Variants in LDAH observed in about 807,000 individuals in gnomAD.
LDAH encodes the protein lipid droplet associated hydrolase.
LDAH carries 26 observed loss-of-function variants against 29.6 expected under a neutral mutation model. The observed-to-expected ratio is 0.88, with a 90% CI of 0.64 to 1.22. LDAH has a LOEUF of 1.22. Ranked by LOEUF, LDAH falls within the 50% of genes most tolerant of loss-of-function variation. The pLI, the probability that LDAH is intolerant of heterozygous loss-of-function variation, is 0.00. For missense variants in LDAH, 344 were observed against 387.3 expected, an observed-to-expected ratio of 0.89 and a Z score of 0.94; for synonymous variants, 117 against 133.0, an observed-to-expected ratio of 0.88 and a Z score of 0.83.
chr2:20,794,381 A>T (rs111347712), intron 2 of LDAH, among the ~76,000 whole-genome samples: 1 of 152,094 alleles, frequency 6.6e-6, no homozygotes, highest in South Asian at 2.1e-4. Flanking sequence ...ATATATTCTA[A>T]CTCATTCTAT....
chr2:20,728,731 T>C (rs1032949641), intron 5 of LDAH, among the ~76,000 whole-genome samples: 6 of 151,732 alleles, frequency 4.0e-5, no homozygotes, highest in African/African-American at 4.8e-5. Flanking sequence ...AATGAACCAA[T>C]AACCCAAAGA....
At chr2:20,767,633 C>T (rs1327047417) in intron 4 of LDAH, among the ~76,000 whole-genome samples, 1 of 152,164 alleles carries the variant, frequency 6.6e-6, no homozygotes, top group Non-Finnish European at 1.5e-5. Flanking sequence ...GGGAGGATCT[C>T]CGGTGAGGCC....
rs568916780 is a variant in LDAH, at chr2:20,778,755, C to T, written c.299-3776G>A. 6.6e-5 allele frequency among the ~76,000 whole-genome samples: 10 copies of T among 152,144 alleles called. No individual in the cohort carries two copies. The East Asian group carries it at 9.6e-4, about 15-fold the overall frequency. On this transcript the variant is annotated intron_variant, in intron 3 of 6. Coordinates refer to ENST00000237822, the MANE Select transcript of LDAH (RefSeq NM_021925.4). ...TTATTGGATCACAATAGAAGGGTAA[C>T]GGCCCTTTGATTCATAAAAAGTACT...
chr2:20,809,735 A>T (rs372572382), intron 1 of LDAH, among the ~76,000 whole-genome samples: 1 of 152,244 alleles, frequency 6.6e-6, no homozygotes, highest in Admixed American at 6.5e-5. Context: ...GCGAATAAAC[A>T]TAAGGGCTTT....
At position 20,711,957 on chromosome 2, in the gene LDAH, G is replaced by T. The variant is rs375401197; in HGVS notation, c.704-10305C>A. ...TATAGACTCCACCTCTGAGGGCAGGGCATAGCTGAACAAAAGGCAGCAGAA... is the reference window on the plus strand; with the variant it reads ...TATAGACTCCACCTCTGAGGGCAGGTCATAGCTGAACAAAAGGCAGCAGAA... On this transcript the variant is annotated intron_variant, in intron 5 of 6. Coordinates refer to ENST00000237822, the MANE Select transcript of LDAH (RefSeq NM_021925.4). Among the ~76,000 whole-genome samples the T allele has an allele frequency of 9.8e-5, 15 of 152,368 alleles. 1 individual carries two copies. The East Asian group carries it at 1.9e-3, about 20-fold the overall frequency.
At chr2:20,801,950 G>C (rs1031591087) in intron 1 of LDAH, among the ~76,000 whole-genome samples, 1 of 148,318 alleles carries the variant, frequency 6.7e-6, no homozygotes, top group Non-Finnish European at 1.5e-5. Flanking sequence ...GTGTGTGTGT[G>C]TGTGTGTATG....
At chr2:20,804,723 G>T (rs1374819487) in intron 1 of LDAH, among the ~76,000 whole-genome samples, 1 of 151,996 alleles carries the variant, frequency 6.6e-6, no homozygotes, top group African/African-American at 2.4e-5. Context: ...AATTTAGGAA[G>T]AAATAAACAT....
rs540185258 is a variant in LDAH at position 20,818,328 on chromosome 2, G to T, written c.-3+4709C>A. On this transcript the variant is annotated intron_variant, in intron 1 of 6. Transcript: ENST00000237822. Reference sequence around the variant, plus strand: ...TTATATATGTATTTAATTGCAACTGGTATAATAAGTGGTATGAAAGGGGAA... The same window carrying T: ...TTATATATGTATTTAATTGCAACTGTTATAATAAGTGGTATGAAAGGGGAA... Among the ~76,000 whole-genome samples the T allele has an allele frequency of 4.8e-3, 723 of 152,180 alleles. 3 individuals are homozygous for T. The highest frequency in any genetic ancestry group is 7.7e-3 in the Non-Finnish European group (525 of 67,968).
rs57270583 is a variant in LDAH at position 20,803,930 on chromosome 2, T to C, written c.-2-2465A>G. ...TGTCTTCTGATTTGATCCAGACTGA[T>C]ATATCTCTCATGTGTCTGTGCAAAT... On this transcript the variant is annotated intron_variant, in intron 1 of 6. Coordinates refer to ENST00000237822, the MANE Select transcript of LDAH (RefSeq NM_021925.4). Among the ~76,000 whole-genome samples, 1,150 of 152,304 alleles carry C rather than the reference T, an allele frequency of 7.6e-3. 18 individuals carry two copies. Among genetic ancestry groups the C allele is most frequent in the African/African-American group, 0.026 (1,085 of 41,558 alleles).
intron 4 of LDAH, among the ~76,000 whole-genome samples, chr2:20,769,076 G>C (rs144566757): frequency 2.0e-5 from 3 of 152,086 alleles, no homozygotes; most frequent in Non-Finnish European, 4.4e-5. Context: ...ACACTCTGCC[G>C]CAACCCAGTC....
At position 20,761,687 on chromosome 2, in the gene LDAH, C is replaced by T. The variant is rs577659085; in HGVS notation, c.468+13123G>A. Among the ~76,000 whole-genome samples, 18 of 152,182 alleles carry T rather than the reference C, an allele frequency of 1.2e-4. No individual in the cohort carries two copies. The South Asian group carries it at 3.3e-3, about 28-fold the overall frequency. ...AAACATAATTTATACCTACTGGGTACAATGTTCACTATTTGGGTAACTGGT... is the reference window on the plus strand; with the variant it reads ...AAACATAATTTATACCTACTGGGTATAATGTTCACTATTTGGGTAACTGGT... On this transcript the variant is annotated intron_variant, in intron 4 of 6. Transcript: ENST00000237822.
intron 6 of LDAH, among the ~76,000 whole-genome samples, chr2:20,688,378 G>A (rs1227291698): frequency 6.6e-6 from 1 of 152,144 alleles, no homozygotes; most frequent in Non-Finnish European, 1.5e-5. Flanking sequence ...GACTGGAGAG[G>A]CAGAGAGGGA....
chr2:20,819,777 C>G (rs927618424), intron 1 of LDAH, among the ~76,000 whole-genome samples: 1 of 151,980 alleles, frequency 6.6e-6, no homozygotes, highest in Non-Finnish European at 1.5e-5. Flanking sequence ...AATTAGGCAG[C>G]AGAAAGAAAT....
At chr2:20,683,098 T>C (rs543448148), downstream of LDAH, among the ~76,000 whole-genome samples, 7 of 152,308 alleles carry the variant, frequency 4.6e-5, no homozygotes, top group South Asian at 1.5e-3. Flanking sequence ...AGAGCTTTCT[T>C]TGACCCTCGT....
At chr2:20,695,536 T>A (rs1396770557) in intron 6 of LDAH, among the ~76,000 whole-genome samples, 1 of 149,090 alleles carries the variant, frequency 6.7e-6, no homozygotes, top group Non-Finnish European at 1.5e-5. Flanking sequence ...CACTGCAACC[T>A]CCCCCTCCTG....
Position 20,774,968 on chromosome 2 carries a change from G to A in LDAH, c.310C>T (p.Gln104Ter). The A allele has an allele frequency of 6.3e-7, 1 of 1,590,092 alleles. No homozygotes were observed. The highest frequency in any genetic ancestry group is 8.6e-7 in the Non-Finnish European group (1 of 1,163,448). The change falls in exon 4 of 7, where the codon CAA (glutamine) becomes TAA (stop). Residue 104 changes from glutamine to a stop codon, truncating the protein, a stop_gained. Coordinates refer to ENST00000237822, the MANE Select transcript of LDAH (RefSeq NM_021925.4). LOFTEE classifies it high-confidence loss of function. Reference sequence around the variant, plus strand: ...AGTCCATAAATGTCCTTAATTTCTTGAGCGTTTGAATCTAAAAGCAAAAAT... The same window carrying A: ...AGTCCATAAATGTCCTTAATTTCTTAAGCGTTTGAATCTAAAAGCAAAAAT... ...ILTTSEDSNAQEIKDIYGLNG... is the reference protein window; with the variant it reads ...ILTTSEDSNA
intron 3 of LDAH, among the ~76,000 whole-genome samples, chr2:20,785,213 T>C (rs947347955): frequency 7.2e-5 from 11 of 152,228 alleles, no homozygotes; most frequent in African/African-American, 2.4e-4. Flanking sequence ...AGAACTTCTT[T>C]TAATATTTCT....
At chr2:20,811,006 G>C (rs1342940917) in intron 1 of LDAH, among the ~76,000 whole-genome samples, 1 of 151,788 alleles carries the variant, frequency 6.6e-6, no homozygotes, top group African/African-American at 2.4e-5. Flanking sequence ...GTGCCAAAAA[G>C]GTATTCGACC....
chr2:20,816,447 A>G (rs73224621), intron 1 of LDAH, among the ~76,000 whole-genome samples: 1 of 152,098 alleles, frequency 6.6e-6, no homozygotes, highest in Non-Finnish European at 1.5e-5. Context: ...TGCCATACTA[A>G]CTACTTTTTT....
Sources: gnomAD v4.1 joint callset for allele counts (sites outside exome capture counted in the v4.1 genomes callset) on GRCh38, gnomAD v4.1.1 for gene constraint, MANE v1.5 for transcripts, NCBI Gene and HGNC (gene_info 2026-07-23, HGNC 2026-07-21) for gene names.